The following FMN2 variants were observed in gnomAD, a reference collection of about 807,000 sequenced individuals.
FMN2 encodes formin 2, also known as formin-2.
A neutral mutation model predicts 142.3 loss-of-function variants in FMN2; 51 were observed. The ratio of observed to expected loss-of-function variants is 0.36; its 90% CI spans 0.29 to 0.45. The LOEUF (loss-of-function observed/expected upper bound fraction) is 0.45, where lower values mean the gene tolerates loss of function less well. Among genes scored for constraint, FMN2 ranks in the 20% least tolerant of loss-of-function variants. The probability of loss-of-function intolerance (pLI) is 1.00; values close to 1 mark genes in which losing one functional copy is unlikely to be tolerated. For synonymous variants in FMN2, 882 were observed against 869.8 expected, an observed-to-expected ratio of 1.01 and a Z score of -0.25; for missense variants, 1,936 against 2,122.8, an observed-to-expected ratio of 0.91 and a Z score of 1.73.
intron 6 of FMN2, among the ~76,000 whole-genome samples, chr1:240,254,352 T>C (rs1239271998): frequency 6.6e-6 from 1 of 151,884 alleles, no homozygotes; most frequent in East Asian, 1.9e-4. Context: ...GGTGGGTTTG[T>C]CCTCAGGCCC....
Position 240,095,386 on chromosome 1 carries a change from T to TACACACACACACAC in FMN2, c.1615+1674_1615+1687dup, listed in dbSNP as rs59692947. Reference sequence around the variant, plus strand: ...ATACATTTGTAAGCATATATGTGCATACACACACACACACACACACACACA... The same window carrying TACACACACACACAC: ...ATACATTTGTAAGCATATATGTGCATACACACACACACACACACACACACACACACACACACACA... On this transcript the variant is annotated intron_variant, in intron 1 of 17. Transcript: ENST00000319653. 9.0e-4 allele frequency among the ~76,000 whole-genome samples: 135 copies of TACACACACACACAC among 149,864 alleles called. 1 individual carries two copies. The highest frequency in any genetic ancestry group is 2.8e-3 in the African/African-American group (113 of 40,782).
At chr1:240,398,150 C>T (rs1193967070) in intron 15 of FMN2, among the ~76,000 whole-genome samples, 1 of 152,072 alleles carries the variant, frequency 6.6e-6, no homozygotes, top group African/African-American at 2.4e-5. Flanking sequence ...CGTGCACTGC[C>T]ATACCCAGCT....
At chr1:240,248,580 C>T (rs1468696523) in intron 6 of FMN2, among the ~76,000 whole-genome samples, 1 of 151,590 alleles carries the variant, frequency 6.6e-6, no homozygotes, top group African/African-American at 2.4e-5. Context: ...TGAAGATATC[C>T]TTTTAATATT....
chr1:240,177,445 G>A (rs760547222), intron 2 of FMN2, among the ~76,000 whole-genome samples: 17 of 151,276 alleles, frequency 1.1e-4, no homozygotes, highest in East Asian at 3.9e-4. Context: ...CAGATAAGTC[G>A]GTTTCCTGGG....
intron 2 of FMN2, chr1:240,142,912 G>A (rs960545785): frequency 3.7e-6 from 6 of 1,605,640 alleles, no homozygotes; most frequent in Admixed American, 1.7e-5. Context: ...ACCAGCATTC[G>A]GGGCCGCATG....
chr1:240,319,801 C>T (rs760846139), intron 8 of FMN2, among the ~76,000 whole-genome samples: 5 of 151,908 alleles, frequency 3.3e-5, no homozygotes, highest in Non-Finnish European at 5.9e-5. Flanking sequence ...TTTCAGCATT[C>T]GAGAAATAGT....
At chr1:240,170,719 G>T (rs1664665929) in intron 2 of FMN2, 2 of 1,540,446 alleles carry the variant, frequency 1.3e-6, no homozygotes, top group East Asian at 4.5e-5. Flanking sequence ...TGGTGCTGCT[G>T]TGAACACTGT....
At chr1:240,169,379 G>T (rs1270889967) in intron 2 of FMN2, among the ~76,000 whole-genome samples, 1 of 152,200 alleles carries the variant, frequency 6.6e-6, no homozygotes, top group Non-Finnish European at 1.5e-5. Context: ...TTTGAGGTCA[G>T]TAGGACAAGG....
intron 2 of FMN2, among the ~76,000 whole-genome samples, chr1:240,176,758 A>G (rs958337098): frequency 6.6e-6 from 1 of 152,226 alleles, no homozygotes; most frequent in African/African-American, 2.4e-5. Context: ...GCTGGAAGAT[A>G]CATGAGTAGC....
At chr1:240,124,369 G>A (rs990198114) in intron 2 of FMN2, among the ~76,000 whole-genome samples, 2 of 152,132 alleles carry the variant, frequency 1.3e-5, no homozygotes, top group Non-Finnish European at 2.9e-5. Context: ...AAGTACGGAC[G>A]TGAAGCAGCA....
intron 16 of FMN2, among the ~76,000 whole-genome samples, chr1:240,466,221 A>T (rs915709707): frequency 6.6e-6 from 1 of 152,216 alleles, no homozygotes; most frequent in Non-Finnish European, 1.5e-5. Context: ...CTCTGATATT[A>T]TAAAACTTAA....
intron 2 of FMN2, chr1:240,142,854 C>A (rs1663248965): frequency 6.3e-7 from 1 of 1,591,364 alleles, no homozygotes; most frequent in African/African-American, 1.3e-5. Context: ...CACTGCCTGG[C>A]CTACATGGAC....
chr1:240,179,017 C>T (rs948249481), intron 3 of FMN2, among the ~76,000 whole-genome samples: 2 of 152,082 alleles, frequency 1.3e-5, no homozygotes, highest in Non-Finnish European at 2.9e-5. Context: ...TTGGGCTCTG[C>T]CAACTTATTA....
intron 2 of FMN2, among the ~76,000 whole-genome samples, chr1:240,132,965 T>C (rs1475353820): frequency 6.6e-6 from 1 of 152,154 alleles, no homozygotes; most frequent in Non-Finnish European, 1.5e-5. Flanking sequence ...CAGAGGACAT[T>C]TGACAATGTC....
At chr1:240,287,334 G>A (rs1197118567) in intron 7 of FMN2, among the ~76,000 whole-genome samples, 3 of 152,178 alleles carry the variant, frequency 2.0e-5, no homozygotes, top group African/African-American at 7.2e-5. Context: ...CTTCTCAGCA[G>A]CTTGCAAAGC....
chr1:240,450,442 G>A lies in FMN2; in HGVS notation c.5060+12232G>A, dbSNP rs542069258. Among the ~76,000 whole-genome samples the A allele has an allele frequency of 2.2e-4, 34 of 152,276 alleles. No individual in the cohort carries two copies. In the Middle Eastern group the frequency reaches 0.014, roughly 61 times the overall value. On this transcript the variant is annotated intron_variant, in intron 16 of 17. Coordinates refer to ENST00000319653, the MANE Select transcript of FMN2 (RefSeq NM_020066.5). ...ACCTAGGATCCCAGATACCTTGAAT[G>A]TCTTTCTAAGTCTGAACACTTTAGG...
intron 16 of FMN2, among the ~76,000 whole-genome samples, chr1:240,443,443 G>A (rs939645902): frequency 3.9e-5 from 6 of 152,134 alleles, no homozygotes; most frequent in Admixed American, 2.6e-4. Flanking sequence ...CAATTTGTAG[G>A]CCAGGCATGG....
In FMN2 at chr1:240,187,631, G is replaced by T. The variant is rs1486384847; in HGVS notation, c.1931-576G>T. Among the ~76,000 whole-genome samples, 3 of 152,296 alleles carry T rather than the reference G, an allele frequency of 2.0e-5. No individual in the cohort carries two copies. In the East Asian group the frequency reaches 5.8e-4, roughly 29 times the overall value. ...CTCTCGCTTACGAAAAGAAATCCCTGACTTGGTTATGCCTTAGGTCTTTTT... is the reference window on the plus strand; with the variant it reads ...CTCTCGCTTACGAAAAGAAATCCCTTACTTGGTTATGCCTTAGGTCTTTTT... On this transcript the variant is annotated intron_variant, in intron 3 of 17. Transcript: ENST00000319653.
At chr1:240,221,682 G>T (rs1053276230) in intron 6 of FMN2, among the ~76,000 whole-genome samples, 39 of 152,060 alleles carry the variant, frequency 2.6e-4, no homozygotes, top group African/African-American at 8.9e-4. Flanking sequence ...CATTCTGTCG[G>T]TTGCCTGTTC....
Sources: allele counts gnomAD v4.1 joint callset (sites outside exome capture counted in the v4.1 genomes callset), GRCh38; gene constraint gnomAD v4.1.1; transcripts MANE v1.5; gene names NCBI Gene and HGNC (gene_info 2026-07-23, HGNC 2026-07-21).